Variants in LRRC20 observed in about 807,000 individuals in gnomAD.
The protein encoded by LRRC20 is leucine rich repeat containing 20.
LRRC20 carries 11 observed loss-of-function variants against 14.4 expected under a neutral mutation model. That is an observed-to-expected ratio of 0.77 (90% CI 0.48 to 1.27). The LOEUF (loss-of-function observed/expected upper bound fraction) is 1.27, where lower values mean the gene tolerates loss of function less well. Ranked by LOEUF, LRRC20 falls within the 50% of genes most tolerant of loss-of-function variation. The pLI is 0.00. For missense variants in LRRC20, 219 were observed against 251.2 expected, an observed-to-expected ratio of 0.87 and a Z score of 0.87; for synonymous variants, 121 against 107.3, an observed-to-expected ratio of 1.13 and a Z score of -0.79.
intron 2 of LRRC20, among the ~76,000 whole-genome samples, chr10:70,361,388 T>A (rs10823530): frequency 0.71 from 107,668 of 152,154 alleles, 38,223 homozygotes; most frequent in Non-Finnish European, 0.72. Context: ...AGGCAGTATA[T>A]GAGGGAATGG....
chr10:70,301,568 A>T, intron 4 of LRRC20, 60 bp from the exon 5 acceptor site: 1 of 1,580,994 alleles, frequency 6.3e-7, no homozygotes, highest in East Asian at 2.3e-5. Flanking sequence ...GAAAAGAAGG[A>T]CAATGGGCCA....
At chr10:70,362,719 G>T (rs992838477) in intron 2 of LRRC20, among the ~76,000 whole-genome samples, 1 of 141,110 alleles carries the variant, frequency 7.1e-6, no homozygotes, top group African/African-American at 2.5e-5. Flanking sequence ...CCAGAGCAGC[G>T]TGCCTCAAGG....
intron 4 of LRRC20, among the ~76,000 whole-genome samples, chr10:70,316,482 G>A (rs148083283): frequency 9.7e-4 from 148 of 152,356 alleles, no homozygotes; most frequent in African/African-American, 3.5e-3. Flanking sequence ...CTGTTGGCCT[G>A]TGTGCTACCA....
intron 3 of LRRC20, among the ~76,000 whole-genome samples, chr10:70,325,393 T>C (rs1022926155): frequency 6.6e-6 from 1 of 152,084 alleles, no homozygotes; most frequent in African/African-American, 2.4e-5. Flanking sequence ...CCCATCCCTG[T>C]TCTGCAATGA....
At chr10:70,358,746 C>T (rs1199185196) in intron 2 of LRRC20, among the ~76,000 whole-genome samples, 2 of 152,202 alleles carry the variant, frequency 1.3e-5, no homozygotes, top group Non-Finnish European at 2.9e-5. Context: ...AGGGCACCCA[C>T]CTCAAACCTC....
chr10:70,322,741 C>T (rs1232724556), intron 4 of LRRC20, among the ~76,000 whole-genome samples: 9 of 152,102 alleles, frequency 5.9e-5, no homozygotes, highest in African/African-American at 1.4e-4. Flanking sequence ...CCTGGCACCG[C>T]GGCAGTCTCA....
chr10:70,376,371 T>C lies in LRRC20; in HGVS notation c.82+81A>G, dbSNP rs1186846190. 3 of 1,396,832 alleles carry C rather than the reference T, an allele frequency of 2.1e-6. No homozygotes were observed. The African/African-American group carries it at 4.3e-5, about 20-fold the overall frequency. 86.5% of individuals were successfully genotyped at this position (1,396,832 alleles called of 1,614,324 possible). On this transcript the variant is annotated intron_variant, in intron 2 of 4. Transcript: ENST00000446961. Reference sequence around the variant, plus strand: ...GGATGAGGTTGCACACTGACGCTTGTGTCTTTCATCTCTGTTTCATTTCTA... The same window carrying C: ...GGATGAGGTTGCACACTGACGCTTGCGTCTTTCATCTCTGTTTCATTTCTA...
At chr10:70,341,939 A>G (rs11817984) in intron 2 of LRRC20, among the ~76,000 whole-genome samples, 4,617 of 152,272 alleles carry the variant, frequency 0.03, 221 homozygotes, top group African/African-American at 0.1. Context: ...ATACAGACGG[A>G]AAGTAGATTA....
At chr10:70,338,035 G>A (rs370149607) in intron 3 of LRRC20, among the ~76,000 whole-genome samples, 3 of 152,160 alleles carry the variant, frequency 2.0e-5, no homozygotes. Flanking sequence ...CAGCACTAGA[G>A]GACCCTGGGA....
At chr10:70,309,802 G>T (rs1363935468) in intron 4 of LRRC20, among the ~76,000 whole-genome samples, 1 of 152,278 alleles carries the variant, frequency 6.6e-6, no homozygotes, top group Non-Finnish European at 1.5e-5. Context: ...GTACTTCTGA[G>T]GATGGGGGGG....
intron 4 of LRRC20, among the ~76,000 whole-genome samples, chr10:70,318,525 G>A (rs750053225): frequency 1.7e-4 from 26 of 152,134 alleles, no homozygotes; most frequent in Non-Finnish European, 3.1e-4. Flanking sequence ...AGGCCGAGGC[G>A]GGCAGATCGC....
chr10:70,364,949 C>CA (rs1843916866), intron 2 of LRRC20, among the ~76,000 whole-genome samples: 1 of 152,038 alleles, frequency 6.6e-6, no homozygotes, highest in African/African-American at 2.4e-5. Context: ...CAGGAAGCTC[C>CA]AAATTGCAAA....
chr10:70,329,545 G>A (rs1842453580), intron 3 of LRRC20, among the ~76,000 whole-genome samples: 1 of 146,894 alleles, frequency 6.8e-6, no homozygotes, highest in South Asian at 2.1e-4. Flanking sequence ...ATATGATTGT[G>A]TGATTCTTCT....
chr10:70,344,151 C>T (rs76414082), intron 2 of LRRC20, among the ~76,000 whole-genome samples: 2,749 of 149,470 alleles, frequency 0.018, 107 homozygotes, highest in African/African-American at 0.065. Flanking sequence ...TGCAGTGAGC[C>T]TCTACACTTC....
chr10:70,317,560 T>G (rs538700177), intron 4 of LRRC20, among the ~76,000 whole-genome samples: 5 of 152,096 alleles, frequency 3.3e-5, no homozygotes, highest in East Asian at 1.9e-4. Flanking sequence ...AAATTTTTTG[T>G]AGAGATGGGG....
At chr10:70,364,478 A>G (rs941667346) in intron 2 of LRRC20, among the ~76,000 whole-genome samples, 1 of 152,230 alleles carries the variant, frequency 6.6e-6, no homozygotes, top group East Asian at 1.9e-4. Context: ...GTTGTGATTC[A>G]GTGGGTATCT....
At chr10:70,331,985 C>T (rs1420487374) in intron 3 of LRRC20, among the ~76,000 whole-genome samples, 1 of 152,224 alleles carries the variant, frequency 6.6e-6, no homozygotes, top group Middle Eastern at 3.2e-3. Flanking sequence ...ACAGACAAGG[C>T]TGGCCTGCAG....
At position 70,375,766 on chromosome 10, in the gene LRRC20, C is replaced by T. The variant is rs79194771; in HGVS notation, c.82+686G>A. On this transcript the variant is annotated intron_variant, in intron 2 of 4. Coordinates refer to ENST00000446961, the MANE Select transcript of LRRC20 (RefSeq NM_001278212.2). Reference sequence around the variant, plus strand: ...ACACAAACACACTCGGGCACATGCACGCACACACAGGACACACAGGTAACT... The same window carrying T: ...ACACAAACACACTCGGGCACATGCATGCACACACAGGACACACAGGTAACT... Among the ~76,000 whole-genome samples, 9 of 8,700 alleles carry T rather than the reference C, an allele frequency of 1.0e-3. No homozygotes were observed. In the Non-Finnish European group the frequency reaches 0.052, roughly 50 times the overall value. 5.7% of individuals were successfully genotyped at this position (8,700 alleles called of 152,430 possible).
At chr10:70,350,692 G>A (rs1843266932) in intron 2 of LRRC20, among the ~76,000 whole-genome samples, 1 of 152,344 alleles carries the variant, frequency 6.6e-6, no homozygotes. Flanking sequence ...CCAAGTCACA[G>A]GGCCCAGAGG....
Sources: gnomAD v4.1 joint callset for allele counts (sites outside exome capture counted in the v4.1 genomes callset) on GRCh38, gnomAD v4.1.1 for gene constraint, MANE v1.5 for transcripts, NCBI Gene and HGNC (gene_info 2026-07-23, HGNC 2026-07-21) for gene names.